AK5: variants seen among roughly 807,000 people sequenced by gnomAD.
AK5 encodes the protein adenylate kinase isoenzyme 5.
Under a neutral mutation model 69.5 loss-of-function variants are expected in AK5, and 27 were observed. The ratio of observed to expected loss-of-function variants is 0.39; its 90% confidence interval spans 0.29 to 0.54. The LOEUF (loss-of-function observed/expected upper bound fraction) is 0.54, where lower values mean the gene tolerates loss of function less well. AK5 is among the 20% of genes least tolerant of loss of function. The pLI is 0.71. For synonymous variants in AK5, 260 were observed against 244.4 expected, an observed-to-expected ratio of 1.06 and a Z score of -0.60; for missense variants, 531 against 700.4, an observed-to-expected ratio of 0.76 and a Z score of 2.73.
At chr1:77,391,994 G>A (rs1648518664) in intron 6 of AK5, among the ~76,000 whole-genome samples, 1 of 152,148 alleles carries the variant, frequency 6.6e-6, no homozygotes, top group Non-Finnish European at 1.5e-5. Flanking sequence ...CAAATGGACA[G>A]GTACGTAGAC....
At chr1:77,429,005 G>A (rs2100606586) in intron 8 of AK5, among the ~76,000 whole-genome samples, 1 of 152,250 alleles carries the variant, frequency 6.6e-6, no homozygotes, top group South Asian at 2.1e-4. Flanking sequence ...ATCATTGTTG[G>A]ACATTTGGGT....
chr1:77,435,831 T>G (rs1228077398), intron 8 of AK5, among the ~76,000 whole-genome samples: 1 of 152,210 alleles, frequency 6.6e-6, no homozygotes, highest in Non-Finnish European at 1.5e-5. Flanking sequence ...ACTTATAAAC[T>G]AAGTTATGTA....
intron 8 of AK5, among the ~76,000 whole-genome samples, chr1:77,429,190 A>G (rs1463751495): frequency 2.0e-5 from 3 of 152,120 alleles, no homozygotes; most frequent in African/African-American, 7.2e-5. Context: ...GACTTCCACA[A>G]TGGTTGAACT....
At chr1:77,413,683 G>A (rs754849243) in intron 7 of AK5, among the ~76,000 whole-genome samples, 7 of 152,182 alleles carry the variant, frequency 4.6e-5, no homozygotes. Flanking sequence ...GTATGTGGTT[G>A]TCACATTGAA....
At chr1:77,377,162 C>T (rs1234448254) in intron 6 of AK5, among the ~76,000 whole-genome samples, 3 of 152,150 alleles carry the variant, frequency 2.0e-5, no homozygotes, top group Non-Finnish European at 4.4e-5. Context: ...TTGTCATACT[C>T]TTTATGGAAG....
At chr1:77,486,401 G>A in intron 10 of AK5, 49 bp downstream of exon 10, 2 of 1,434,110 alleles carry the variant, frequency 1.4e-6, no homozygotes, top group East Asian at 4.7e-5. Context: ...CTAATAATAA[G>A]AATTTGGTAG....
intron 6 of AK5, among the ~76,000 whole-genome samples, chr1:77,367,536 C>T (rs1399489725): frequency 1.5e-5 from 1 of 65,410 alleles, no homozygotes; most frequent in African/African-American, 5.8e-5. Context: ...CCTATGTTGC[C>T]CAGACTCATT....
At chr1:77,304,096 T>G (rs1449538608) in intron 5 of AK5, among the ~76,000 whole-genome samples, 1 of 152,174 alleles carries the variant, frequency 6.6e-6, no homozygotes, top group Non-Finnish European at 1.5e-5. Flanking sequence ...TAGGTCTTAT[T>G]CATTCTTTCT....
intron 13 of AK5, among the ~76,000 whole-genome samples, chr1:77,543,936 C>A (rs1030237231): frequency 1.3e-5 from 2 of 152,108 alleles, no homozygotes; most frequent in Non-Finnish European, 2.9e-5. Flanking sequence ...TACACACACA[C>A]ACACACACAC....
chr1:77,450,725 G>A (rs1653090927), intron 8 of AK5, among the ~76,000 whole-genome samples: 1 of 152,130 alleles, frequency 6.6e-6, no homozygotes, highest in African/African-American at 2.4e-5. Context: ...TTGCAATCAT[G>A]TAAGTTAATT....
At chr1:77,337,472 A>G (rs929662745) in intron 5 of AK5, among the ~76,000 whole-genome samples, 3 of 152,178 alleles carry the variant, frequency 2.0e-5, no homozygotes, top group African/African-American at 7.2e-5. Context: ...ACAATATATC[A>G]TTTTATTTGT....
intron 5 of AK5, among the ~76,000 whole-genome samples, chr1:77,322,230 TTGATTATAGGA>T (rs1660571265): frequency 6.6e-6 from 1 of 152,152 alleles, no homozygotes; most frequent in Admixed American, 6.5e-5. Context: ...TGAGTAGCCC[TTGATTATAGGA>T]TTTAATCTGT....
rs761435726 is a variant in AK5, at chr1:77,287,110, G to A, written c.230G>A (p.Arg77Lys). 11 of 1,567,524 alleles carry A rather than the reference G, an allele frequency of 7.0e-6. No individual in the cohort carries two copies. The highest frequency in any genetic ancestry group is 3.7e-5 in the Admixed American group (2 of 53,636). ...CCACTAAATGGAGGACAGTCACGGA[G>A]ATCCTTTCTAAGAAATGGTAATGTA... is the stretch of plus-strand genomic sequence containing the variant. ...LPPLNGGQSRRSFLRNVMPEN... is the reference protein window; with the variant it reads ...LPPLNGGQSRKSFLRNVMPEN... The change falls in exon 2 of 14, where the codon AGA (arginine) becomes AAA (lysine). Residue 77 changes from arginine to lysine, a missense_variant. Physicochemically the swap from Arg to Lys is conservative, Grantham distance 26. Transcript: ENST00000354567.
At chr1:77,325,235 G>C (rs1056201401) in intron 5 of AK5, among the ~76,000 whole-genome samples, 1 of 148,826 alleles carries the variant, frequency 6.7e-6, no homozygotes, top group Non-Finnish European at 1.5e-5. Flanking sequence ...TCAAGCTCCT[G>C]ACCTGGTGAT....
intron 6 of AK5, among the ~76,000 whole-genome samples, chr1:77,366,565 A>G (rs2815307): frequency 0.076 from 11,628 of 152,164 alleles, 528 homozygotes; most frequent in East Asian, 0.17. Context: ...ACACCATTCT[A>G]CCTCTACCCC....
At chr1:77,439,792 GTATATGTATATACATACA>G (rs1406428346) in intron 8 of AK5, among the ~76,000 whole-genome samples, 23 of 149,758 alleles carry the variant, frequency 1.5e-4, no homozygotes, top group Non-Finnish European at 3.1e-4. Context: ...ATGTATACAT[GTATATGTATATACATACA>G]TATATATGTA....
intron 8 of AK5, among the ~76,000 whole-genome samples, chr1:77,426,145 T>C (rs1325438831): frequency 6.6e-6 from 1 of 152,190 alleles, no homozygotes; most frequent in Non-Finnish European, 1.5e-5. Flanking sequence ...ATAATCACTT[T>C]AAATTTCAGT....
At chr1:77,347,379 A>T (rs1047573407) in intron 6 of AK5, among the ~76,000 whole-genome samples, 12 of 152,206 alleles carry the variant, frequency 7.9e-5, no homozygotes, top group Non-Finnish European at 1.5e-4. Flanking sequence ...GGCAACAAGC[A>T]CTTATCAAAT....
intron 8 of AK5, among the ~76,000 whole-genome samples, chr1:77,419,051 C>CA (rs5775398): frequency 6.7e-6 from 1 of 149,464 alleles, no homozygotes; most frequent in Non-Finnish European, 1.5e-5. Context: ...ATATCACAGA[C>CA]AAAAAAAAAA....
Sources: allele counts gnomAD v4.1 joint callset (sites outside exome capture counted in the v4.1 genomes callset), GRCh38; gene constraint gnomAD v4.1.1; transcripts MANE v1.5; gene names NCBI Gene and HGNC (gene_info 2026-07-23, HGNC 2026-07-21).